VEPH1: variants seen among roughly 807,000 people sequenced by gnomAD.
VEPH1 encodes ventricular zone-expressed PH domain-containing protein homolog 1.
Under a neutral mutation model 85.2 loss-of-function variants are expected in VEPH1, and 80 were observed. The observed-to-expected ratio is 0.94, with a 90% CI of 0.78 to 1.13. The LOEUF (loss-of-function observed/expected upper bound fraction) is 1.13, where lower values mean the gene tolerates loss of function less well. Among genes scored for constraint, VEPH1 ranks in the 50% most tolerant of loss-of-function variants. VEPH1 has a pLI of 0.00. For synonymous variants in VEPH1, 297 were observed against 348.0 expected (o/e 0.85, Z 1.63); for missense variants, 955 against 980.5 (o/e 0.97, Z 0.35).
rs1162510320 is a variant in VEPH1, at chr3:157,401,420, C to T, written c.906+12461G>A. 3.3e-5 allele frequency among the ~76,000 whole-genome samples: 5 copies of T among 152,110 alleles called. No individual in the cohort carries two copies. The East Asian group carries it at 7.7e-4, about 23-fold the overall frequency. On this transcript the variant is annotated intron_variant, in intron 6 of 13. Transcript: ENST00000362010. ...TACTCATTACATGACATAATTTACT[C>T]ATTAGATAATTAGATGCAAGGTGCC...
intron 1 of VEPH1, among the ~76,000 whole-genome samples, chr3:157,496,387 A>C (rs1255262068): frequency 1.3e-5 from 2 of 152,212 alleles, no homozygotes; most frequent in South Asian, 2.1e-4. Flanking sequence ...GTAATCATTT[A>C]ATGTCCAGTG....
At chr3:157,336,421 C>T (rs1722971781) in intron 9 of VEPH1, among the ~76,000 whole-genome samples, 1 of 152,152 alleles carries the variant, frequency 6.6e-6, no homozygotes, top group Non-Finnish European at 1.5e-5. Context: ...GGATAAAATG[C>T]TTCCTATATG....
chr3:157,336,535 T>A (rs1466035668), intron 9 of VEPH1, among the ~76,000 whole-genome samples: 1 of 152,246 alleles, frequency 6.6e-6, no homozygotes, highest in Non-Finnish European at 1.5e-5. Flanking sequence ...TGTTGATTCA[T>A]CTCTGTCTGC....
intron 6 of VEPH1, among the ~76,000 whole-genome samples, chr3:157,394,772 C>T (rs560844966): frequency 6.6e-6 from 1 of 152,144 alleles, no homozygotes; most frequent in Admixed American, 6.5e-5. Flanking sequence ...TCTAAGCCAG[C>T]AGAACATAAT....
rs755248749 is a variant in VEPH1 at position 157,313,675 on chromosome 3, C to A, written c.1956G>T (p.Gly652=). Residue 652 remains glycine (G), a synonymous_variant, in exon 11 of 14, where the codon GGG becomes GGT. Transcript: ENST00000362010. ...LRALWEKTQA[G]GAHSFETAMM... ...TGGCAGTTTCAAAGCTGTGAGCACC[C>A]CCTGCCTGGGTCTTCTCCCACAGAG... 15 of 1,614,126 alleles carry A rather than the reference C, an allele frequency of 9.3e-6. No individual in the cohort carries two copies. In the South Asian group the frequency reaches 1.4e-4, roughly 15 times the overall value.
rs755016702 is a variant in VEPH1 at position 157,503,410 on chromosome 3, GC to G, written c.-292del. ...CTGCCCAGTCCTGTGGGCTGCAGCC[GC>G]GTCTCCCTGAGCTGCCTGTCAAGCC... On this transcript the variant is annotated 5_prime_UTR_variant, in exon 1 of 14. Coordinates refer to ENST00000362010, the MANE Select transcript of VEPH1 (RefSeq NM_001167912.2). 9 of 152,154 alleles carry G rather than the reference GC, an allele frequency of 5.9e-5. No homozygotes were observed. The highest frequency in any genetic ancestry group is 1.0e-4 in the Non-Finnish European group (7 of 68,032). 9.4% of individuals were successfully genotyped at this position (152,154 alleles called of 1,614,324 possible). A position where few individuals can be genotyped will look rare whatever the true frequency, so the allele number is the denominator to read the frequency against.
intron 7 of VEPH1, among the ~76,000 whole-genome samples, chr3:157,373,681 C>A (rs779929921): frequency 2.5e-4 from 38 of 152,172 alleles, no homozygotes; most frequent in Admixed American, 9.2e-4. Flanking sequence ...CACAAACACC[C>A]TTTTTCCTCA....
At chr3:157,435,534 T>C (rs570711640) in intron 4 of VEPH1, among the ~76,000 whole-genome samples, 1 of 152,296 alleles carries the variant, frequency 6.6e-6, no homozygotes, top group African/African-American at 2.4e-5. Context: ...GGTCCTGGCT[T>C]TCATGAGGAT....
intron 4 of VEPH1, among the ~76,000 whole-genome samples, chr3:157,430,514 T>C (rs1439773092): frequency 6.7e-6 from 1 of 148,400 alleles, no homozygotes; most frequent in East Asian, 2.0e-4. Flanking sequence ...ATTGCCTTAA[T>C]CAATAATGCT....
intron 11 of VEPH1, among the ~76,000 whole-genome samples, chr3:157,307,115 T>G (rs1266284430): frequency 6.6e-6 from 1 of 152,034 alleles, no homozygotes; most frequent in Admixed American, 6.5e-5. Context: ...TGATCAGCTT[T>G]AAATGGAATT....
intron 6 of VEPH1, among the ~76,000 whole-genome samples, chr3:157,410,392 C>T (rs1413267936): frequency 6.6e-6 from 1 of 152,096 alleles, no homozygotes; most frequent in African/African-American, 2.4e-5. Context: ...ACTTTGGTAC[C>T]CAAGACCCCA....
In VEPH1 at chr3:157,265,612, G is replaced by C; in HGVS notation, c.2179C>G (p.Gln727Glu). 1 of 1,613,640 alleles carries C rather than the reference G, an allele frequency of 6.2e-7. No homozygotes were observed. Among genetic ancestry groups the C allele is most frequent in the Non-Finnish European group, 8.5e-7 (1 of 1,179,724 alleles). ...CTTTTGATGAACTTCCATCTGACTT[G>C]CTTCTCTTTAAGTTTTCCTTCTATG... ...PLIEGKLKEK[Q>E]VRWKFIKRWK... is the part of the protein sequence containing the mutation. The change falls in exon 13 of 14, where the codon CAA (glutamine) becomes GAA (glutamate). Residue 727 changes from glutamine (Q) to glutamate (E), a missense_variant. Coordinates refer to ENST00000362010, the MANE Select transcript of VEPH1 (RefSeq NM_001167912.2).
rs568083418 is a variant in VEPH1 at position 157,278,961 on chromosome 3, T to C, written c.2128+7596A>G. 7.9e-4 allele frequency among the ~76,000 whole-genome samples: 121 copies of C among 152,260 alleles called. 1 individual carries two copies. The highest frequency in any genetic ancestry group is 1.4e-3 in the Non-Finnish European group (98 of 68,012). ...TACTCTGGAGTCTGAGGTGGGATGATTGCTTGAGCCCAGGAGTTTGAGAGC... is the reference window on the plus strand; with the variant it reads ...TACTCTGGAGTCTGAGGTGGGATGACTGCTTGAGCCCAGGAGTTTGAGAGC... On this transcript the variant is annotated intron_variant, in intron 12 of 13. Coordinates refer to ENST00000362010, the MANE Select transcript of VEPH1 (RefSeq NM_001167912.2).
chr3:157,309,897 A>T (rs1052990562), intron 11 of VEPH1, among the ~76,000 whole-genome samples: 2 of 152,066 alleles, frequency 1.3e-5, no homozygotes, highest in Non-Finnish European at 2.9e-5. Flanking sequence ...CTTCTGCCTC[A>T]GCCTCCCGAG....
chr3:157,381,138 A>T lies in VEPH1; in HGVS notation c.1127+18T>A, dbSNP rs547188257. On this transcript the variant is annotated intron_variant, in intron 7 of 13. Coordinates refer to ENST00000362010, the MANE Select transcript of VEPH1 (RefSeq NM_001167912.2). ...GGTGCACAGCAGCTCCCTGAGGTACACAGAAGCTCTTGCTCACCTGCCACT... is the reference window on the plus strand; with the variant it reads ...GGTGCACAGCAGCTCCCTGAGGTACTCAGAAGCTCTTGCTCACCTGCCACT... 2.5e-6 allele frequency: 4 copies of T among 1,612,268 alleles called. No individual in the cohort carries two copies. In the Admixed American group the frequency reaches 6.7e-5, roughly 27 times the overall value.
intron 4 of VEPH1, among the ~76,000 whole-genome samples, chr3:157,448,110 T>TG (rs139021386): frequency 0.016 from 2,362 of 150,716 alleles, 28 homozygotes; most frequent in East Asian, 0.037. Flanking sequence ...TCATATTAAA[T>TG]GGGGGGGGGA....
intron 9 of VEPH1, among the ~76,000 whole-genome samples, chr3:157,345,888 G>A (rs1724159589): frequency 6.6e-6 from 1 of 152,168 alleles, no homozygotes; most frequent in Non-Finnish European, 1.5e-5. Context: ...TAGGGACATG[G>A]ATGAAGCTGG....
chr3:157,337,162 A>G (rs2108628511), intron 9 of VEPH1, among the ~76,000 whole-genome samples: 1 of 150,072 alleles, frequency 6.7e-6, no homozygotes, highest in Admixed American at 6.7e-5. Flanking sequence ...AATATATTTT[A>G]CCAAGAAATG....
intron 7 of VEPH1, among the ~76,000 whole-genome samples, chr3:157,367,177 C>A (rs931692798): frequency 1.3e-5 from 2 of 152,236 alleles, no homozygotes; most frequent in Admixed American, 1.3e-4. Context: ...TCTACTCATA[C>A]CATGCATAAA....
Sources: allele counts gnomAD v4.1 joint callset (sites outside exome capture counted in the v4.1 genomes callset), GRCh38; gene constraint gnomAD v4.1.1; transcripts MANE v1.5; gene names NCBI Gene and HGNC (gene_info 2026-07-23, HGNC 2026-07-21).